Variants in CHD2 observed in about 807,000 individuals in gnomAD.
The protein encoded by CHD2 is ATP-dependent chromatin remodeler CHD2.
CHD2 carries 28 observed loss-of-function variants against 243.9 expected under a neutral mutation model. That is an observed-to-expected ratio of 0.11 (90% CI 0.09 to 0.16). CHD2 has a LOEUF of 0.16. Ranked by LOEUF, CHD2 falls within the 10% of genes least tolerant of loss-of-function variation. The pLI is 1.00. For missense variants in CHD2, 1,386 were observed against 2,209.8 expected, an observed-to-expected ratio of 0.63 and a Z score of 7.47; for synonymous variants, 775 against 779.0, an observed-to-expected ratio of 0.99 and a Z score of 0.09.
At chr15:92,955,632 A>T (rs1340405985) in intron 15 of CHD2, 120 bp downstream of exon 15, 13 of 601,604 alleles carry the variant, frequency 2.2e-5, no homozygotes, top group Non-Finnish European at 1.4e-5. Context: ...AAAATAAAAA[A>T]CAAATGGTAG....
At chr15:92,939,135 A>G (rs1359774653) in intron 6 of CHD2, among the ~76,000 whole-genome samples, 1 of 152,166 alleles carries the variant, frequency 6.6e-6, no homozygotes, top group Non-Finnish European at 1.5e-5. Context: ...GTTGCAAATA[A>G]TGCTATAGTG....
chr15:92,906,497 C>T (rs1001076674), intron 2 of CHD2, among the ~76,000 whole-genome samples: 2 of 151,994 alleles, frequency 1.3e-5, no homozygotes, highest in Admixed American at 6.6e-5. Flanking sequence ...TCTCCCTTAC[C>T]CCCAAATAAA....
intron 2 of CHD2, among the ~76,000 whole-genome samples, chr15:92,904,244 CTG>C (rs998606653): frequency 6.6e-6 from 1 of 152,256 alleles, no homozygotes; most frequent in Non-Finnish European, 1.5e-5. Context: ...CTGCATTGCA[CTG>C]TGTACTCGCC....
intron 2 of CHD2, among the ~76,000 whole-genome samples, chr15:92,914,276 G>T (rs1392279332): frequency 6.6e-6 from 1 of 152,138 alleles, no homozygotes; most frequent in Non-Finnish European, 1.5e-5. Flanking sequence ...TTCACAGCTT[G>T]GTTATTTACA....
Position 92,998,910 on chromosome 15 carries a change from C to T in CHD2, c.4008+289C>T, listed in dbSNP as rs531734639. Among the ~76,000 whole-genome samples the T allele has an allele frequency of 5.9e-5, 9 of 151,814 alleles. No homozygotes were observed. Among genetic ancestry groups the T allele is most frequent in the Admixed American group, 5.9e-4 (9 of 15,230 alleles). ...CATCCTGGCTAATATGGTGAAACCC[C>T]GTCTCTACTAAAAATACAAAAAAAT... On this transcript the variant is annotated intron_variant, in intron 31 of 38. Coordinates refer to ENST00000394196, the MANE Select transcript of CHD2 (RefSeq NM_001271.4). The surrounding 1 kb of genome is among the most constrained non-coding windows in gnomAD (Gnocchi z 5.1).
Position 92,937,561 on chromosome 15 carries a change from G to A in CHD2, c.487G>A (p.Gly163Ser). The change falls in exon 6 of 39, where the codon GGC (glycine) becomes AGC (serine). Residue 163 changes from glycine (G) to serine (S), a missense_variant. Gly to Ser is a moderately conservative substitution (Grantham distance 56, BLOSUM62 0). Transcript: ENST00000394196. ...QEPSEDEQEQ[G>S]TSAESEPEQK... Reference sequence around the variant, plus strand: ...ACCCTCAGAAGATGAACAGGAACAAGGCACCAGTGCAGAGAGTGAGCCAGA... The same window carrying A: ...ACCCTCAGAAGATGAACAGGAACAAAGCACCAGTGCAGAGAGTGAGCCAGA... The A allele has an allele frequency of 6.2e-7, 1 of 1,613,434 alleles. No homozygotes were observed. Among genetic ancestry groups the A allele is most frequent in the South Asian group, 1.1e-5 (1 of 90,954 alleles).
intron 28 of CHD2, among the ~76,000 whole-genome samples, chr15:92,993,493 A>T (rs2054147563): frequency 6.6e-6 from 1 of 152,216 alleles, no homozygotes; most frequent in African/African-American, 2.4e-5. Flanking sequence ...ATTTGTTCTC[A>T]TTGGATTGGA....
At chr15:93,013,968 A>G (rs866868563) in intron 36 of CHD2, among the ~76,000 whole-genome samples, 1 of 151,662 alleles carries the variant, frequency 6.6e-6, no homozygotes, top group Non-Finnish European at 1.5e-5. Context: ...ACAGAAAACA[A>G]AAACATTCAG....
intron 2 of CHD2, among the ~76,000 whole-genome samples, chr15:92,912,756 A>G (rs754655614): frequency 1.1e-3 from 165 of 152,032 alleles, no homozygotes; most frequent in African/African-American, 3.9e-3. Context: ...GGCTGGTCTC[A>G]AACTCCTGAC....
intron 5 of CHD2, among the ~76,000 whole-genome samples, chr15:92,930,679 G>A (rs543431804): frequency 7.9e-5 from 12 of 152,080 alleles, no homozygotes; most frequent in Admixed American, 7.2e-4. Context: ...CAGTCCTCCA[G>A]CCTCGGTCTC....
intron 2 of CHD2, among the ~76,000 whole-genome samples, chr15:92,908,908 A>G (rs1243017941): frequency 6.6e-6 from 1 of 152,012 alleles, no homozygotes; most frequent in Non-Finnish European, 1.5e-5. Flanking sequence ...CACTTGAGGT[A>G]GGGAGTTCGA....
intron 37 of CHD2, among the ~76,000 whole-genome samples, chr15:93,016,672 CT>C (rs1042506052): frequency 1.8e-4 from 27 of 149,820 alleles, no homozygotes; most frequent in African/African-American, 6.4e-4. Flanking sequence ...GTCCCAGCTA[CT>C]TGGGAGGCTG....
chr15:92,968,490 G>C (rs2053797131), intron 17 of CHD2, among the ~76,000 whole-genome samples: 2 of 152,202 alleles, frequency 1.3e-5, no homozygotes, highest in African/African-American at 4.8e-5. Flanking sequence ...TGTTTCACAG[G>C]ATAAATGTCC....
intron 24 of CHD2, among the ~76,000 whole-genome samples, chr15:92,983,448 G>A (rs1789445714): frequency 6.6e-6 from 1 of 152,174 alleles, no homozygotes; most frequent in Non-Finnish European, 1.5e-5. Context: ...TAAAGTAAGA[G>A]TCTTAACTTG....
chr15:92,932,946 T>G (rs1479367436), intron 5 of CHD2, among the ~76,000 whole-genome samples: 6 of 152,102 alleles, frequency 3.9e-5, no homozygotes, highest in Admixed American at 3.9e-4. Context: ...TTTCACCATG[T>G]TGCCCAGGCT....
chr15:92,984,280 A>T, intron 24 of CHD2, 50 bp from the exon 25 acceptor site: 1 of 1,401,712 alleles, frequency 7.1e-7, no homozygotes, highest in Non-Finnish European at 9.4e-7. Flanking sequence ...GTTTTAGTAG[A>T]TGGTGTTTAG....
intron 16 of CHD2, among the ~76,000 whole-genome samples, chr15:92,958,440 G>C (rs542059268): frequency 6.6e-6 from 1 of 152,098 alleles, no homozygotes. Context: ...TAACTCAGGC[G>C]TCGTGTTCCG....
Position 93,023,087 on chromosome 15 carries a change from C to T in CHD2, c.5154-1285C>T, listed in dbSNP as rs2054552180. Reference sequence around the variant, plus strand: ...AGCGAACAACTGAATGACCTTAGTGCATTTATAATATTGGGCAGCCACCAC... The same window carrying T: ...AGCGAACAACTGAATGACCTTAGTGTATTTATAATATTGGGCAGCCACCAC... On this transcript the variant is annotated intron_variant, in intron 38 of 38. Transcript: ENST00000394196. Among the ~76,000 whole-genome samples, 8 of 152,274 alleles carry T rather than the reference C, an allele frequency of 5.3e-5. No homozygotes were observed. In the South Asian group the frequency reaches 1.5e-3, roughly 28 times the overall value.
intron 17 of CHD2, 86 bp from the exon 18 acceptor site, chr15:92,971,679 A>G: frequency 1.7e-6 from 2 of 1,210,062 alleles, no homozygotes; most frequent in East Asian, 2.6e-5. Context: ...TCTCCACAAT[A>G]CTACTACTAT....
Sources: gnomAD v4.1 joint callset for allele counts (sites outside exome capture counted in the v4.1 genomes callset) on GRCh38, gnomAD v4.1.1 for gene constraint, Gnocchi (gnomAD v3.1) non-coding constraint, MANE v1.5 for transcripts, NCBI Gene and HGNC (gene_info 2026-07-23, HGNC 2026-07-21) for gene names.